SAMD4A: variants seen among roughly 807,000 people sequenced by gnomAD.
SAMD4A encodes sterile alpha motif domain containing 4A.
A neutral mutation model predicts 81.3 loss-of-function variants in SAMD4A; 33 were observed. The observed-to-expected ratio is 0.41, with a 90% CI of 0.31 to 0.54. The LOEUF is 0.54. SAMD4A is among the 20% of genes least tolerant of loss of function. SAMD4A has a pLI of 0.37. For synonymous variants in SAMD4A, 389 were observed against 382.1 expected, an observed-to-expected ratio of 1.02 and a Z score of -0.21; for missense variants, 854 against 951.1, an observed-to-expected ratio of 0.90 and a Z score of 1.34.
chr14:54,606,178 C>G (rs917385418), intron 2 of SAMD4A, among the ~76,000 whole-genome samples: 5 of 121,372 alleles, frequency 4.1e-5, no homozygotes, highest in African/African-American at 1.3e-4. Flanking sequence ...TGTCTTACTT[C>G]TGGGCTGTGT....
intron 2 of SAMD4A, among the ~76,000 whole-genome samples, chr14:54,681,405 T>C (rs2036125057): frequency 6.6e-6 from 1 of 152,178 alleles, no homozygotes; most frequent in South Asian, 2.1e-4. Context: ...ATCATTATGC[T>C]CATGAGACAC....
chr14:54,665,344 A>G (rs1344158895), intron 2 of SAMD4A, among the ~76,000 whole-genome samples: 1 of 152,220 alleles, frequency 6.6e-6, no homozygotes, highest in African/African-American at 2.4e-5. Flanking sequence ...GTGAGAAAAC[A>G]GGAATCCACC....
chr14:54,754,684 A>T, intron 6 of SAMD4A: 1 of 198,662 alleles, frequency 5.0e-6, no homozygotes, highest in African/African-American at 2.3e-5. Context: ...TGGGCTGATG[A>T]TGCTGTTGGA....
intron 2 of SAMD4A, among the ~76,000 whole-genome samples, chr14:54,610,503 G>A (rs1322085046): frequency 1.3e-5 from 2 of 152,154 alleles, no homozygotes; most frequent in Non-Finnish European, 2.9e-5. Flanking sequence ...GGTCTGAAAA[G>A]TATTTTTTGG....
At chr14:54,705,711 C>T (rs8012145) in intron 3 of SAMD4A, among the ~76,000 whole-genome samples, 103,933 of 152,076 alleles carry the variant, frequency 0.68, 36,102 homozygotes, top group Admixed American at 0.74. Flanking sequence ...TCAACTACCC[C>T]GCAAATGCTT....
chr14:54,623,483 C>CAAAAAAAAAAAAAAAAAAA (rs59768858), intron 2 of SAMD4A, among the ~76,000 whole-genome samples: 1 of 45,952 alleles, frequency 2.2e-5, no homozygotes, highest in Non-Finnish European at 3.9e-5. Context: ...TGGACATCAG[C>CAAAAAAAAAAAAAAAAAAA]AAAAAAAAAA....
chr14:54,684,905 C>G (rs940229382), intron 2 of SAMD4A, among the ~76,000 whole-genome samples: 1 of 152,182 alleles, frequency 6.6e-6, no homozygotes, highest in African/African-American at 2.4e-5. Flanking sequence ...TGAGCGCAGT[C>G]CACCATTCAG....
chr14:54,756,234 G>C (rs556265736), intron 6 of SAMD4A, among the ~76,000 whole-genome samples: 1 of 152,292 alleles, frequency 6.6e-6, no homozygotes, highest in South Asian at 2.1e-4. Context: ...GTAATCAGGA[G>C]AGCTGCTGGT....
At chr14:54,748,699 CT>C in intron 4 of SAMD4A, 115 bp from the exon 5 acceptor site, 59 of 683,102 alleles carry the variant, frequency 8.6e-5, no homozygotes, top group Middle Eastern at 5.0e-4. Context: ...GTTACTTTTT[CT>C]TTTTTTTTCC....
chr14:54,643,433 C>G (rs1278656159), intron 2 of SAMD4A, among the ~76,000 whole-genome samples: 1 of 152,214 alleles, frequency 6.6e-6, no homozygotes, highest in African/African-American at 2.4e-5. Context: ...TGTCACTAAA[C>G]CAGACATTGG....
chr14:54,597,353 C>T (rs1383582971), intron 2 of SAMD4A, among the ~76,000 whole-genome samples: 1 of 151,984 alleles, frequency 6.6e-6, no homozygotes, highest in Non-Finnish European at 1.5e-5. Flanking sequence ...CGGCTCACCA[C>T]AACCTCTGCC....
intron 3 of SAMD4A, among the ~76,000 whole-genome samples, chr14:54,722,798 C>T (rs1272197794): frequency 6.6e-6 from 1 of 152,194 alleles, no homozygotes; most frequent in Non-Finnish European, 1.5e-5. Context: ...GCAGTGTTAC[C>T]TATACCTTCC....
intron 4 of SAMD4A, among the ~76,000 whole-genome samples, chr14:54,741,276 T>C (rs1222762667): frequency 2.0e-5 from 3 of 152,222 alleles, no homozygotes. Context: ...AAAGACGTTC[T>C]CTTAATTTCC....
In SAMD4A at chr14:54,775,109, C is replaced by T; in HGVS notation, c.1891C>T (p.Pro631Ser). 6.2e-7 allele frequency: 1 copy of T among 1,614,198 alleles called. No individual in the cohort carries two copies. The highest frequency in any genetic ancestry group is 8.5e-7 in the Non-Finnish European group (1 of 1,180,040). Reference protein sequence around the residue: ...SSNQRNTTATPTIMKQGRQNL... With the variant: ...SSNQRNTTATSTIMKQGRQNL... ...CAACCAGCGCAACACCACAGCTACCCCCACCATCATGAAACAAGGAAGACA... is the reference window on the plus strand; with the variant it reads ...CAACCAGCGCAACACCACAGCTACCTCCACCATCATGAAACAAGGAAGACA... The change falls in exon 10 of 13, where the codon CCC (proline) becomes TCC (serine). Residue 631 changes from proline to serine, a missense_variant. Around this residue, in one of 3 missense-constraint regions of SAMD4A, gnomAD observed 428 missense variants for 471.2 expected, o/e 0.91. Transcript: ENST00000554335.
intron 12 of SAMD4A, among the ~76,000 whole-genome samples, chr14:54,788,125 A>T (rs966048026): frequency 6.6e-6 from 1 of 152,176 alleles, no homozygotes; most frequent in African/African-American, 2.4e-5. Flanking sequence ...AAGTGCCCAC[A>T]ACACCTACCT....
intron 3 of SAMD4A, among the ~76,000 whole-genome samples, chr14:54,724,016 G>GAAGGAAGGAA (rs1594860412): frequency 6.9e-6 from 1 of 145,766 alleles, no homozygotes; most frequent in East Asian, 2.1e-4. Context: ...ATGGAAGGAA[G>GAAGGAAGGAA]GAAGGAAGGA....
chr14:54,784,392 C>G, intron 11 of SAMD4A, 145 bp from the exon 12 acceptor site: 1 of 1,581,336 alleles, frequency 6.3e-7, no homozygotes, highest in Non-Finnish European at 8.6e-7. Context: ...GTTGGTTGAG[C>G]CTGAGTGGAG....
intron 3 of SAMD4A, among the ~76,000 whole-genome samples, chr14:54,725,965 C>T (rs988999002): frequency 4.6e-5 from 7 of 152,132 alleles, no homozygotes; most frequent in African/African-American, 1.4e-4. Flanking sequence ...AATGTACATA[C>T]AAATCTCCTA....
intron 2 of SAMD4A, among the ~76,000 whole-genome samples, chr14:54,628,862 A>T (rs914893048): frequency 3.9e-5 from 6 of 152,006 alleles, no homozygotes; most frequent in Admixed American, 1.3e-4. Flanking sequence ...TCTCTAATGG[A>T]TCTGTATGGG....
Sources: gnomAD v4.1 joint callset for allele counts (sites outside exome capture counted in the v4.1 genomes callset) on GRCh38, gnomAD v4.1.1 for gene constraint, gnomAD v4.1.1 regional missense constraint, MANE v1.5 for transcripts, NCBI Gene and HGNC (gene_info 2026-07-23, HGNC 2026-07-21) for gene names.